HMGXB3: variants seen among roughly 807,000 people sequenced by gnomAD.
HMGXB3 encodes HMG-box containing 3.
In HMGXB3, 45 loss-of-function variants were observed where a neutral mutation model predicts 121.5. The ratio of observed to expected loss-of-function variants is 0.37; its 90% confidence interval spans 0.29 to 0.47. The LOEUF (loss-of-function observed/expected upper bound fraction) is 0.47. Among genes scored for constraint, HMGXB3 ranks in the 20% least tolerant of loss-of-function variants. The pLI is 0.99. For missense variants in HMGXB3, 1,376 were observed against 1,602.2 expected (o/e 0.86, Z 2.41); for synonymous variants, 590 against 624.1 (o/e 0.95, Z 0.81).
chr5:150,030,878 G>C (rs150326962), intron 10 of HMGXB3, 39 bp downstream of exon 10: 28 of 1,482,908 alleles, frequency 1.9e-5, no homozygotes, highest in Non-Finnish European at 2.6e-5. Context: ...TGACATGGAG[G>C]TTGTTTTGAT....
At position 150,008,055 on chromosome 5, in the gene HMGXB3, T is replaced by TCTCACACA. The variant is rs1356226878; in HGVS notation, c.312+1409_312+1410insTCACACAC. Among the ~76,000 whole-genome samples, 251 of 130,106 alleles carry TCTCACACA rather than the reference T, an allele frequency of 1.9e-3. 1 individual carries two copies. Among genetic ancestry groups the TCTCACACA allele is most frequent in the African/African-American group, 7.3e-3 (242 of 33,136 alleles). 85.4% of individuals were successfully genotyped at this position (130,106 alleles called of 152,430 possible). The stretch of plus-strand genomic sequence containing the variant: ...CTGGGCAACAGAGTGAGACTCTGTT[T>TCTCACACA]CACACACACACACACACACACACAC... On this transcript the variant is annotated intron_variant, in intron 3 of 19. Transcript: ENST00000502717.
At chr5:150,027,553 ATT>A (rs796074105) in intron 9 of HMGXB3, among the ~76,000 whole-genome samples, 15 of 143,544 alleles carry the variant, frequency 1.0e-4, no homozygotes, top group Non-Finnish European at 1.2e-4. Context: ...AAGAATAGGG[ATT>A]TTTTTTTTTT....
At position 150,051,902 on chromosome 5, in the gene HMGXB3, T is replaced by C; in HGVS notation, c.3589T>C (p.Leu1197=). 1.3e-6 allele frequency: 2 copies of C among 1,551,998 alleles called. No individual in the cohort carries two copies. The highest frequency in any genetic ancestry group is 1.2e-5 in the South Asian group (1 of 84,064). The part of the protein sequence containing the change: ...GHHSLALCPE[L]APYATILASI... ...CCACTCCTTGGCCCTGTGCCCTGAA[T>C]TGGCACCTTACGCAACCATCCTGGC... Residue 1197 remains leucine, a synonymous_variant, in exon 20 of 20, where the codon TTG becomes CTG. Transcript: ENST00000502717.
intron 10 of HMGXB3, among the ~76,000 whole-genome samples, chr5:150,031,096 A>G (rs940230392): frequency 2.0e-5 from 3 of 152,168 alleles, no homozygotes; most frequent in Non-Finnish European, 4.4e-5. Context: ...TTTTATTGAG[A>G]GTTGCCAGAG....
In HMGXB3 at chr5:150,040,758, T is replaced by C. The variant is rs1756612168; in HGVS notation, c.2424T>C (p.Asn808=). 1.9e-6 allele frequency: 3 copies of C among 1,551,524 alleles called. No individual in the cohort carries two copies. The highest frequency in any genetic ancestry group is 2.0e-5 in the Admixed American group (1 of 50,786). Residue 808 remains asparagine, a synonymous_variant, in exon 14 of 20, where the codon AAT becomes AAC. Coordinates refer to ENST00000502717, the MANE Select transcript of HMGXB3 (RefSeq NM_014983.3). ...CTTCTTAACCTGCAGGTCTCTTTAA[T>C]GTGGGGAACAAGCTGCTGGTAAGCC... ...SFIDIYTGLF[N]VGNKLLVSLD... is the part of the protein sequence containing the mutation.
rs1756936586 is a variant in HMGXB3, at chr5:150,052,286, T to C, written c.*94T>C. ...ATCCAGGGGACCTGCAGAAGTGGTCTCCTGTGGGGAGGGCCTCTGACTGCT... is the reference window on the plus strand; with the variant it reads ...ATCCAGGGGACCTGCAGAAGTGGTCCCCTGTGGGGAGGGCCTCTGACTGCT... On this transcript the variant is annotated 3_prime_UTR_variant, in exon 20 of 20. Transcript: ENST00000502717. The C allele has an allele frequency of 2.0e-6, 2 of 1,015,534 alleles. No homozygotes were observed. Among genetic ancestry groups the C allele is most frequent in the South Asian group, 3.2e-5 (2 of 61,560 alleles). 62.9% of individuals were successfully genotyped at this position (1,015,534 alleles called of 1,614,324 possible). A position where few individuals can be genotyped will look rare whatever the true frequency, so the allele number is the denominator to read the frequency against.
Position 150,028,557 on chromosome 5 carries a change from ATAT to A in HMGXB3, c.1734+1442_1734+1444del, listed in dbSNP as rs1204046307. Among the ~76,000 whole-genome samples the A allele has an allele frequency of 1.1e-3, 70 of 64,490 alleles. 1 individual carries two copies. Among genetic ancestry groups the A allele is most frequent in the Non-Finnish European group, 1.5e-3 (44 of 30,062 alleles). The allele number at this position is 64,490 out of a possible 152,430, so 42.3% of individuals were successfully genotyped here. ...TGTGTGTGTGTATATATATATATATATATTTTTTTTTTTTTTTTTTTCCTCCAG... is the reference window on the plus strand; with the variant it reads ...TGTGTGTGTGTATATATATATATATATTTTTTTTTTTTTTTTTTCCTCCAG... On this transcript the variant is annotated intron_variant, in intron 9 of 19. Transcript: ENST00000502717.
At position 150,026,864 on chromosome 5, in the gene HMGXB3, A is replaced by G; in HGVS notation, c.1619A>G (p.Gln540Arg). Reference protein sequence around the residue: ...GSSMGLPRARQAFSLSDKTPS... With the variant: ...GSSMGLPRARRAFSLSDKTPS... ...AGCATGGGACTGCCCAGGGCCAGGC[A>G]GGCCTTTTCCCTGAGTGGTAAGGGC... The change falls in exon 8 of 20, where the codon CAG becomes CGG. Residue 540 changes from glutamine (Q) to arginine (R), a missense_variant. Physicochemically the swap from Gln to Arg is conservative, Grantham distance 43. Coordinates refer to ENST00000502717, the MANE Select transcript of HMGXB3 (RefSeq NM_014983.3). 6.6e-7 allele frequency: 1 copy of G among 1,513,556 alleles called. No homozygotes were observed. The highest frequency in any genetic ancestry group is 8.9e-7 in the Non-Finnish European group (1 of 1,129,044). 93.8% of individuals were successfully genotyped at this position (1,513,556 alleles called of 1,614,324 possible). A position where few individuals can be genotyped will look rare whatever the true frequency, so the allele number is the denominator to read the frequency against.
intron 19 of HMGXB3, among the ~76,000 whole-genome samples, chr5:150,050,702 A>G (rs1756869780): frequency 6.6e-6 from 1 of 152,152 alleles, no homozygotes; most frequent in African/African-American, 2.4e-5. Context: ...GCCGTTCTCA[A>G]ACTCCTGGGC....
At chr5:150,034,280 C>T (rs1037988523) in intron 11 of HMGXB3, among the ~76,000 whole-genome samples, 1 of 152,160 alleles carries the variant, frequency 6.6e-6, no homozygotes. Context: ...TCTTAACTCC[C>T]TATGAGACCA....
intron 6 of HMGXB3, among the ~76,000 whole-genome samples, chr5:150,024,053 A>C (rs1756162644): frequency 6.6e-6 from 1 of 152,262 alleles, no homozygotes; most frequent in Admixed American, 6.5e-5. Flanking sequence ...ATTCAAACGA[A>C]GGCATTTAAT....
At position 150,001,146 on chromosome 5, in the gene HMGXB3, G is replaced by A. The variant is rs1262128281; in HGVS notation, c.-36G>A. ...CAGCCGCCGGGCCAAGCGCCTCCGG[G>A]AATGTGAGCGGCGCAGCTTGCACGC... On this transcript the variant is annotated 5_prime_UTR_variant, in exon 1 of 20. Coordinates refer to ENST00000502717, the MANE Select transcript of HMGXB3 (RefSeq NM_014983.3). 6.5e-6 allele frequency: 1 copy of A among 153,414 alleles called. No individual in the cohort carries two copies. Among genetic ancestry groups the A allele is most frequent in the East Asian group, 1.9e-4 (1 of 5,182 alleles). The allele number at this position is 153,414 out of a possible 1,614,324, so 9.5% of individuals were successfully genotyped here.
intron 9 of HMGXB3, among the ~76,000 whole-genome samples, chr5:150,029,096 A>G (rs1250438740): frequency 6.6e-6 from 1 of 152,192 alleles, no homozygotes; most frequent in Non-Finnish European, 1.5e-5. Context: ...GCCACCCAGA[A>G]TGACCATCCG....
At chr5:150,006,335 T>C (rs1432035682) in intron 2 of HMGXB3, 138 bp from the exon 3 acceptor site, 2 of 590,850 alleles carry the variant, frequency 3.4e-6, no homozygotes, top group African/African-American at 1.8e-5. Context: ...ATCAACCTCT[T>C]GACTACCCAT....
rs891974689 is a variant in HMGXB3 at position 150,041,942 on chromosome 5, G to T, written c.2703G>T (p.Glu901Asp). 7.1e-6 allele frequency: 11 copies of T among 1,551,494 alleles called. No individual in the cohort carries two copies. The highest frequency in any genetic ancestry group is 3.3e-4 in the Middle Eastern group (2 of 6,014). ...PKVEMAQRSE[E>D]NVLALKSVEF... ...TGGAAATGGCTCAGAGGAGTGAAGA[G>T]AATGTGCTAGCACTGAAGAGCGTGG... Residue 901 changes from glutamate (E) to aspartate (D), a missense_variant, in exon 15 of 20, where the codon GAG becomes GAT. By Grantham distance (45) the Glu-to-Asp change is conservative. Coordinates refer to ENST00000502717, the MANE Select transcript of HMGXB3 (RefSeq NM_014983.3).
rs1273295444 is a variant in HMGXB3, at chr5:150,051,754, G to C, written c.3441G>C (p.Gln1147His). Residue 1147 changes from glutamine (Q) to histidine (H), a missense_variant, in exon 20 of 20, where the codon CAG becomes CAC. This residue lies in a region of HMGXB3 where 260 missense variants were observed against 233.2 expected (regional missense o/e 1.11). Transcript: ENST00000502717. ...TGTCCTGCCCAGAGCTCTTGGACCAGCATTATACTGTGGACATGACAGAAA... is the reference window on the plus strand; with the variant it reads ...TGTCCTGCCCAGAGCTCTTGGACCACCATTATACTGTGGACATGACAGAAA... ...VSVSCPELLD[Q>H]HYTVDMTETE... The C allele has an allele frequency of 6.5e-7, 1 of 1,539,594 alleles. No homozygotes were observed. The highest frequency in any genetic ancestry group is 8.7e-7 in the Non-Finnish European group (1 of 1,146,044).
At chr5:150,004,777 T>C in intron 1 of HMGXB3, 74 bp from the exon 2 acceptor site, 1 of 1,000,540 alleles carries the variant, frequency 1.0e-6, no homozygotes, top group South Asian at 1.6e-5. Flanking sequence ...AGGTAAGGGG[T>C]TATTTGATCA....
rs1284134099 is a variant in HMGXB3, at chr5:150,052,575, G to GGTCTCTC, written c.*384_*390dup. On this transcript the variant is annotated 3_prime_UTR_variant, in exon 20 of 20. Coordinates refer to ENST00000502717, the MANE Select transcript of HMGXB3 (RefSeq NM_014983.3). ...CAGCACTAGGTGGGAAGGCTGCTGA[G>GGTCTCTC]GTCTCTCCCACCCCTGAGGAGCCCT... 2 of 215,098 alleles carry GGTCTCTC rather than the reference G, an allele frequency of 9.3e-6. No individual in the cohort carries two copies. The highest frequency in any genetic ancestry group is 1.0e-4 in the Admixed American group (2 of 19,460). The allele number at this position is 215,098 out of a possible 1,614,324, so 13.3% of individuals were successfully genotyped here. A position where few individuals can be genotyped will look rare whatever the true frequency, so the allele number is the denominator to read the frequency against.
At chr5:150,009,903 A>G (rs1272777931) in intron 3 of HMGXB3, among the ~76,000 whole-genome samples, 1 of 152,150 alleles carries the variant, frequency 6.6e-6, no homozygotes, top group Non-Finnish European at 1.5e-5. Context: ...AATAAGCTAC[A>G]TTGGCTAAAG....
Sources: gnomAD v4.1 joint callset for allele counts (sites outside exome capture counted in the v4.1 genomes callset) on GRCh38, gnomAD v4.1.1 for gene constraint, gnomAD v4.1.1 regional missense constraint, MANE v1.5 for transcripts, NCBI Gene and HGNC (gene_info 2026-07-23, HGNC 2026-07-21) for gene names.